FHIT: variants seen among roughly 807,000 people sequenced by gnomAD.
FHIT encodes bis(5'-adenosyl)-triphosphatase.
In FHIT, 19 loss-of-function variants were observed where a neutral mutation model predicts 17.9. The ratio of observed to expected loss-of-function variants is 1.06; its 90% CI spans 0.74 to 1.56. The LOEUF (loss-of-function observed/expected upper bound fraction) is 1.56, where lower values mean the gene tolerates loss of function less well. Among genes scored for constraint, FHIT ranks in the 40% most tolerant of loss-of-function variants. FHIT has a pLI of 0.00. For missense variants in FHIT, 248 were observed against 189.2 expected (o/e 1.31, Z -1.82); for synonymous variants, 81 against 69.7 (o/e 1.16, Z -0.81).
At chr3:59,940,323 A>G (rs2107264792) in intron 7 of FHIT, among the ~76,000 whole-genome samples, 1 of 152,330 alleles carries the variant, frequency 6.6e-6, no homozygotes, top group South Asian at 2.1e-4. Flanking sequence ...TTTCAGTTAA[A>G]AAAAATTCAC....
chr3:59,935,696 T>C (rs1559479352), intron 7 of FHIT, among the ~76,000 whole-genome samples: 3 of 151,474 alleles, frequency 2.0e-5, no homozygotes, highest in South Asian at 2.1e-4. Context: ...GATGGATGAA[T>C]AGATGGATGA....
At chr3:60,602,919 C>CGTCT (rs1310389926) in intron 4 of FHIT, among the ~76,000 whole-genome samples, 1 of 152,164 alleles carries the variant, frequency 6.6e-6, no homozygotes, top group African/African-American at 2.4e-5. Context: ...CTTTGCCAGA[C>CGTCT]ACCAAATCTG....
chr3:60,374,584 G>A (rs1249378355), intron 5 of FHIT, among the ~76,000 whole-genome samples: 1 of 149,656 alleles, frequency 6.7e-6, no homozygotes, highest in African/African-American at 2.5e-5. Flanking sequence ...GAAGAAAGAA[G>A]CACACACACA....
chr3:60,027,131 ACACAC>A (rs1299250669), intron 5 of FHIT, among the ~76,000 whole-genome samples: 1 of 132,142 alleles, frequency 7.6e-6, no homozygotes, highest in Non-Finnish European at 1.6e-5. Flanking sequence ...ACACACACAC[ACACAC>A]ACACACACAC....
intron 5 of FHIT, among the ~76,000 whole-genome samples, chr3:60,496,552 C>T (rs942124890): frequency 6.6e-6 from 1 of 152,128 alleles, no homozygotes; most frequent in Non-Finnish European, 1.5e-5. Context: ...TATCAACTGA[C>T]ACAAGCACTT....
chr3:61,182,478 A>C (rs1046364249), intron 2 of FHIT, among the ~76,000 whole-genome samples: 3 of 152,232 alleles, frequency 2.0e-5, no homozygotes, highest in Admixed American at 1.3e-4. Context: ...ACTGGTATAC[A>C]TATTGTATAT....
At chr3:61,124,293 G>C (rs1357839844) in intron 2 of FHIT, among the ~76,000 whole-genome samples, 1 of 152,136 alleles carries the variant, frequency 6.6e-6, no homozygotes, top group East Asian at 1.9e-4. Flanking sequence ...TGTGGTGTAG[G>C]ACTTCCATCA....
intron 5 of FHIT, among the ~76,000 whole-genome samples, chr3:60,302,490 C>T (rs1417556228): frequency 6.6e-6 from 1 of 152,124 alleles, no homozygotes; most frequent in Non-Finnish European, 1.5e-5. Flanking sequence ...CCACATCTCA[C>T]TTTTTATTTT....
intron 8 of FHIT, among the ~76,000 whole-genome samples, chr3:59,795,511 A>C (rs1326447170): frequency 6.6e-6 from 1 of 152,062 alleles, no homozygotes; most frequent in Non-Finnish European, 1.5e-5. Flanking sequence ...TTGTGTGATA[A>C]GGATTTAGGT....
chr3:60,511,728 T>G (rs2034958595), intron 5 of FHIT, among the ~76,000 whole-genome samples: 1 of 152,188 alleles, frequency 6.6e-6, no homozygotes, highest in African/African-American at 2.4e-5. Context: ...TGGTTTCTAA[T>G]TATCTTCTAT....
chr3:59,953,662 C>T (rs1707241385), intron 7 of FHIT, among the ~76,000 whole-genome samples: 1 of 152,206 alleles, frequency 6.6e-6, no homozygotes, highest in South Asian at 2.1e-4. Flanking sequence ...GCCTCCCACT[C>T]AGCACCAAGA....
chr3:60,359,453 G>A (rs1224035544), intron 5 of FHIT, among the ~76,000 whole-genome samples: 2 of 151,742 alleles, frequency 1.3e-5, no homozygotes, highest in East Asian at 1.9e-4. Flanking sequence ...GCTAATTTTT[G>A]TATTTTCAGT....
chr3:61,027,547 A>G (rs2032799102), intron 3 of FHIT, among the ~76,000 whole-genome samples: 1 of 152,226 alleles, frequency 6.6e-6, no homozygotes, highest in South Asian at 2.1e-4. Flanking sequence ...AAATGCCACA[A>G]ATCAAGACTC....
chr3:60,356,753 C>CAAAAAA lies in FHIT; in HGVS notation c.103+180101_103+180106dup, dbSNP rs57588436. Among the ~76,000 whole-genome samples, 36 of 58,678 alleles carry CAAAAAA rather than the reference C, an allele frequency of 6.1e-4. 3 individuals carry two copies. Among genetic ancestry groups the CAAAAAA allele is most frequent in the African/African-American group, 2.0e-3 (25 of 12,430 alleles). 38.5% of individuals were successfully genotyped at this position (58,678 alleles called of 152,430 possible). A position where few individuals can be genotyped will look rare whatever the true frequency, so the allele number is the denominator to read the frequency against. On this transcript the variant is annotated intron_variant, in intron 5 of 9. Coordinates refer to ENST00000492590, the MANE Select transcript of FHIT (RefSeq NM_002012.4). The stretch of plus-strand genomic sequence containing the variant: ...CTATTATATAGCAGGAAGACAGAGA[C>CAAAAAA]AAAAAAAAAAAAAAAAAAAAAAAAA...
At chr3:60,695,430 T>G (rs72874982) in intron 4 of FHIT, among the ~76,000 whole-genome samples, 1 of 152,152 alleles carries the variant, frequency 6.6e-6, no homozygotes, top group Non-Finnish European at 1.5e-5. Context: ...TATAAATGTT[T>G]TCATTTGTAT....
intron 7 of FHIT, among the ~76,000 whole-genome samples, chr3:60,000,747 A>C (rs1699698031): frequency 6.6e-6 from 1 of 152,172 alleles, no homozygotes; most frequent in Non-Finnish European, 1.5e-5. Flanking sequence ...TCTGCCCTGA[A>C]ATACACTCTG....
Position 59,747,826 on chromosome 3 carries a change from T to C in FHIT, c.*1759A>G, listed in dbSNP as rs1700688670. Among the ~76,000 whole-genome samples the C allele has an allele frequency of 6.6e-6, 1 of 152,040 alleles. No individual in the cohort carries two copies. The highest frequency in any genetic ancestry group is 1.5e-5 in the Non-Finnish European group (1 of 67,994). ...GAGGTGGGTGGGTGGAAAGGAGTAC[T>C]GGTTTAGGGTTGAAGCAAGTCTAAA... On this transcript the variant is annotated 3_prime_UTR_variant, in exon 10 of 10. Coordinates refer to ENST00000492590, the MANE Select transcript of FHIT (RefSeq NM_002012.4).
intron 5 of FHIT, among the ~76,000 whole-genome samples, chr3:60,284,117 G>T (rs1707600867): frequency 6.6e-6 from 1 of 151,860 alleles, no homozygotes; most frequent in Admixed American, 6.6e-5. Context: ...GAAGGAAGAA[G>T]AACAGTATAT....
At chr3:60,230,999 C>A (rs1490211534) in intron 5 of FHIT, among the ~76,000 whole-genome samples, 2 of 152,198 alleles carry the variant, frequency 1.3e-5, no homozygotes, top group Non-Finnish European at 2.9e-5. Flanking sequence ...AGCCACCACT[C>A]CTGGCCTTAA....
Sources: gnomAD v4.1 joint callset for allele counts (sites outside exome capture counted in the v4.1 genomes callset) on GRCh38, gnomAD v4.1.1 for gene constraint, MANE v1.5 for transcripts, NCBI Gene and HGNC (gene_info 2026-07-23, HGNC 2026-07-21) for gene names.